CELF4: variants seen among roughly 807,000 people sequenced by gnomAD.
CELF4 encodes CUG-BP- and ETR-3-like factor 4.
In CELF4, 18 loss-of-function variants were observed where a neutral mutation model predicts 59.9. The ratio of observed to expected loss-of-function variants is 0.30; its 90% CI spans 0.21 to 0.45. The LOEUF is 0.45. Among genes scored for constraint, CELF4 ranks in the 20% least tolerant of loss-of-function variants. The pLI, the probability that CELF4 is intolerant of heterozygous loss-of-function variation, is 1.00. For missense variants in CELF4, 456 were observed against 689.0 expected (o/e 0.66, Z 3.79); for synonymous variants, 261 against 267.1 (o/e 0.98, Z 0.22).
intron 2 of CELF4, among the ~76,000 whole-genome samples, chr18:37,440,767 T>C (rs1204232548): frequency 6.6e-6 from 1 of 152,106 alleles, no homozygotes; most frequent in Non-Finnish European, 1.5e-5. Context: ...TGCAATCACC[T>C]ACTCATCCAC....
At chr18:37,441,436 G>C (rs1189326450) in intron 2 of CELF4, among the ~76,000 whole-genome samples, 1 of 152,154 alleles carries the variant, frequency 6.6e-6, no homozygotes, top group East Asian at 1.9e-4. Flanking sequence ...CAATGTTAAG[G>C]CCTCAGAACC....
chr18:37,317,619 A>G (rs1291041049), intron 3 of CELF4, among the ~76,000 whole-genome samples: 5 of 152,126 alleles, frequency 3.3e-5, no homozygotes, highest in Admixed American at 6.5e-5. Context: ...GCTCCAGCCA[A>G]GCACTCAGCC....
chr18:37,309,657 G>A (rs765364388), intron 3 of CELF4, among the ~76,000 whole-genome samples: 44 of 152,002 alleles, frequency 2.9e-4, no homozygotes, highest in Non-Finnish European at 2.2e-4. Context: ...AAGAGACGAC[G>A]TCCCCCAAAT....
intron 1 of CELF4, among the ~76,000 whole-genome samples, chr18:37,549,010 G>C (rs1020631189): frequency 6.6e-6 from 1 of 152,220 alleles, no homozygotes; most frequent in Admixed American, 6.5e-5. Context: ...GAACAGATGC[G>C]TGGAAACAGC....
intron 2 of CELF4, among the ~76,000 whole-genome samples, chr18:37,460,169 G>C (rs1539854): frequency 0.45 from 67,797 of 151,970 alleles, 16,387 homozygotes; most frequent in East Asian, 0.66. Flanking sequence ...GAGTGGGTCT[G>C]TGTAGAGATC....
Position 37,397,977 on chromosome 18 carries a change from C to T in CELF4, c.370-76096G>A, listed in dbSNP as rs542282517. ...GGGCTCCTCTCACCCTCTATCCTGA[C>T]GATAGGGCTGCCTCCTCCCTCTGGT... On this transcript the variant is annotated intron_variant, in intron 2 of 12. Transcript: ENST00000420428. 1.8e-4 allele frequency among the ~76,000 whole-genome samples: 27 copies of T among 152,266 alleles called. No homozygotes were observed. In the East Asian group the frequency reaches 3.5e-3, roughly 20 times the overall value.
chr18:37,538,745 A>G (rs1020622836), intron 1 of CELF4, among the ~76,000 whole-genome samples: 2 of 152,188 alleles, frequency 1.3e-5, no homozygotes, highest in African/African-American at 4.8e-5. Flanking sequence ...TTTAGCGAAT[A>G]TAGAAAGCAA....
In CELF4 at chr18:37,337,005, C is replaced by G. The variant is rs113908759; in HGVS notation, c.370-15124G>C. On this transcript the variant is annotated intron_variant, in intron 2 of 12. Transcript: ENST00000420428. ...GTCCCTCCTGGGCCCTGGCCGCCTC[C>G]GGCTGTGCTCCACTCACCATGCCTG... 5.9e-5 allele frequency among the ~76,000 whole-genome samples: 9 copies of G among 152,188 alleles called. No homozygotes were observed. In the East Asian group the frequency reaches 1.7e-3, roughly 29 times the overall value.
chr18:37,537,332 G>C (rs2099974319), intron 1 of CELF4, among the ~76,000 whole-genome samples: 1 of 152,058 alleles, frequency 6.6e-6, no homozygotes, highest in African/African-American at 2.4e-5. Context: ...GGACTGAAGG[G>C]GCCCTGTGTA....
chr18:37,448,368 G>A (rs772825685), intron 2 of CELF4, among the ~76,000 whole-genome samples: 6 of 152,210 alleles, frequency 3.9e-5, no homozygotes, highest in Non-Finnish European at 5.9e-5. Flanking sequence ...AGTCCTCTGA[G>A]GTGTGCCTCC....
chr18:37,468,329 C>T (rs1188156703), intron 2 of CELF4, among the ~76,000 whole-genome samples: 1 of 152,174 alleles, frequency 6.6e-6, no homozygotes, highest in Non-Finnish European at 1.5e-5. Context: ...CAGTGCTGGC[C>T]TCAGAGGCCT....
intron 2 of CELF4, among the ~76,000 whole-genome samples, chr18:37,403,603 G>C (rs531414407): frequency 6.6e-6 from 1 of 152,284 alleles, no homozygotes; most frequent in East Asian, 1.9e-4. Context: ...GTTGCTGTGC[G>C]GCCTGGCCCA....
intron 2 of CELF4, among the ~76,000 whole-genome samples, chr18:37,426,411 A>T (rs913318965): frequency 2.0e-5 from 3 of 152,082 alleles, no homozygotes; most frequent in Admixed American, 6.5e-5. Context: ...GTGGCTGGGG[A>T]GGGGACACAG....
intron 2 of CELF4, among the ~76,000 whole-genome samples, chr18:37,440,703 G>C (rs1021790747): frequency 1.3e-5 from 2 of 152,184 alleles, no homozygotes; most frequent in African/African-American, 4.8e-5. Context: ...CTGGAGGGGA[G>C]AGCGAGGATA....
At chr18:37,495,665 C>T (rs926623363) in intron 1 of CELF4, among the ~76,000 whole-genome samples, 5 of 152,022 alleles carry the variant, frequency 3.3e-5, no homozygotes, top group Admixed American at 6.6e-5. Flanking sequence ...GGCCATGGGA[C>T]TGGTGAAGTG....
chr18:37,483,466 C>G (rs1371521596), intron 2 of CELF4, among the ~76,000 whole-genome samples: 3 of 152,156 alleles, frequency 2.0e-5, no homozygotes, highest in African/African-American at 7.2e-5. Context: ...CGAGGGGACT[C>G]TAGGCTATGT....
chr18:37,353,212 C>T (rs1365886158), intron 2 of CELF4, among the ~76,000 whole-genome samples: 1 of 55,838 alleles, frequency 1.8e-5, no homozygotes, highest in Non-Finnish European at 3.4e-5. Flanking sequence ...CAGAGTGAGA[C>T]TCCGTCTCAA....
At chr18:37,344,768 T>A (rs1309205210) in intron 2 of CELF4, among the ~76,000 whole-genome samples, 2 of 152,338 alleles carry the variant, frequency 1.3e-5, no homozygotes, top group East Asian at 3.9e-4. Flanking sequence ...ACAGAAGCTG[T>A]CACCATTCCT....
chr18:37,477,881 A>G (rs1203248935), intron 2 of CELF4, among the ~76,000 whole-genome samples: 1 of 152,130 alleles, frequency 6.6e-6, no homozygotes, highest in Non-Finnish European at 1.5e-5. Context: ...TCCAAGCCAC[A>G]TTGGGGCAGT....
Sources: allele counts gnomAD v4.1 joint callset (sites outside exome capture counted in the v4.1 genomes callset), GRCh38; gene constraint gnomAD v4.1.1; transcripts MANE v1.5; gene names NCBI Gene and HGNC (gene_info 2026-07-23, HGNC 2026-07-21).